The following TTC28 variants were observed in gnomAD, a reference collection of about 807,000 sequenced individuals.
The protein encoded by TTC28 is tetratricopeptide repeat protein 28.
Under a neutral mutation model 198.0 loss-of-function variants are expected in TTC28, and 61 were observed. The ratio of observed to expected loss-of-function variants is 0.31; its 90% confidence interval spans 0.25 to 0.38. TTC28 has a LOEUF of 0.38. TTC28 is among the 10% of genes least tolerant of loss of function. TTC28 has a pLI of 1.00. For synonymous variants in TTC28, 1,171 were observed against 1,297.8 expected (o/e 0.90, Z 2.10); for missense variants, 2,678 against 3,164.0 (o/e 0.85, Z 3.69).
In TTC28 at chr22:28,031,034, T is replaced by C. The variant is rs192602542; in HGVS notation, c.3933-668A>G. Among the ~76,000 whole-genome samples, 7 of 152,354 alleles carry C rather than the reference T, an allele frequency of 4.6e-5. No homozygotes were observed. The East Asian group carries it at 1.2e-3, about 25-fold the overall frequency. On this transcript the variant is annotated intron_variant, in intron 12 of 22. Coordinates refer to ENST00000397906, the MANE Select transcript of TTC28 (RefSeq NM_001145418.2). Reference sequence around the variant, plus strand: ...AATTAATAAATTCATATTTCCCCTATGACAGACTTTAACAGAACATCCCAC... The same window carrying C: ...AATTAATAAATTCATATTTCCCCTACGACAGACTTTAACAGAACATCCCAC...
At chr22:28,372,400 G>T (rs1480099620) in intron 2 of TTC28, among the ~76,000 whole-genome samples, 3 of 151,924 alleles carry the variant, frequency 2.0e-5, no homozygotes, top group Non-Finnish European at 4.4e-5. Context: ...AATTACTGCT[G>T]CTTTGAAACT....
chr22:27,982,364 G>T lies in TTC28; in HGVS notation c.7303C>A (p.Arg2435Ser), dbSNP rs529389400. The T allele has an allele frequency of 1.3e-6, 2 of 1,549,450 alleles. No individual in the cohort carries two copies. The highest frequency in any genetic ancestry group is 1.7e-6 in the Non-Finnish European group (2 of 1,146,090). Reference sequence around the variant, plus strand: ...GAGCCCAGCGAGGTGGTCTCGGTGCGCCAGTGTCCGTTGGGAGGGGCTTTC... The same window carrying T: ...GAGCCCAGCGAGGTGGTCTCGGTGCTCCAGTGTCCGTTGGGAGGGGCTTTC... ...PPKAPPNGHW[R>S]TETTSLGSLP... Residue 2435 changes from arginine to serine, a missense_variant, in exon 23 of 23, where the codon CGC becomes AGC. Physicochemically the swap from Arg to Ser is moderately radical, Grantham distance 110. Around this residue, in one of 8 missense-constraint regions of TTC28, gnomAD observed 622 missense variants for 656.0 expected, o/e 0.95. Coordinates refer to ENST00000397906, the MANE Select transcript of TTC28 (RefSeq NM_001145418.2). This position sits in a 1 kb window ranked among gnomAD's most constrained non-coding sequence, Gnocchi z 5.2.
chr22:28,591,195 A>G (rs1398777853), intron 2 of TTC28, among the ~76,000 whole-genome samples: 2 of 149,640 alleles, frequency 1.3e-5, no homozygotes, highest in Non-Finnish European at 3.0e-5. Context: ...TGCACCCTTA[A>G]CTTTCCAGGC....
chr22:28,414,233 T>C (rs955050573), intron 2 of TTC28, among the ~76,000 whole-genome samples: 4 of 152,190 alleles, frequency 2.6e-5, no homozygotes, highest in African/African-American at 9.7e-5. Flanking sequence ...GGAAATGACC[T>C]TTCAGAAACA....
chr22:28,307,593 A>G (rs1311139990), intron 2 of TTC28, among the ~76,000 whole-genome samples: 1 of 152,134 alleles, frequency 6.6e-6, no homozygotes, highest in Non-Finnish European at 1.5e-5. Flanking sequence ...TTTGTTTTCA[A>G]CTACACAGAG....
chr22:28,101,424 G>A, intron 8 of TTC28, 144 bp from the exon 9 acceptor site: 2 of 685,648 alleles, frequency 2.9e-6, no homozygotes, highest in Non-Finnish European at 4.8e-6. Context: ...GGAGTGCAGT[G>A]GCAGCTCACT....
At chr22:28,344,131 C>A (rs1194222752) in intron 2 of TTC28, among the ~76,000 whole-genome samples, 1 of 150,868 alleles carries the variant, frequency 6.6e-6, no homozygotes, top group African/African-American at 2.4e-5. Context: ...AATCACTAGT[C>A]TAGCAATCTA....
intron 5 of TTC28, among the ~76,000 whole-genome samples, chr22:28,178,654 A>G (rs201278579): frequency 2.0e-5 from 3 of 152,150 alleles, no homozygotes; most frequent in Non-Finnish European, 4.4e-5. Flanking sequence ...TAGTGGCTGG[A>G]GAGGAGTTTG....
At chr22:28,567,214 T>C in intron 2 of TTC28, among the ~76,000 whole-genome samples, 1 of 110,754 alleles carries the variant, frequency 9.0e-6, no homozygotes, top group Non-Finnish European at 1.8e-5. Flanking sequence ...AGACTCCATC[T>C]CGGAAAAAAA....
intron 2 of TTC28, among the ~76,000 whole-genome samples, chr22:28,335,217 T>C (rs1158053359): frequency 1.3e-5 from 2 of 152,198 alleles, no homozygotes; most frequent in Non-Finnish European, 2.9e-5. Context: ...GGTCTATATC[T>C]CTGTTTTGGT....
intron 21 of TTC28, 32 bp from the exon 22 acceptor site, chr22:27,985,388 C>T (rs142132330): frequency 0.019 from 28,870 of 1,509,344 alleles, 344 homozygotes; most frequent in Non-Finnish European, 0.023. Flanking sequence ...GCATCTGCTT[C>T]CTTCGGGAAG....
intron 12 of TTC28, among the ~76,000 whole-genome samples, chr22:28,035,341 C>T (rs1419354556): frequency 6.6e-6 from 1 of 152,106 alleles, no homozygotes; most frequent in Non-Finnish European, 1.5e-5. Context: ...GGCCCCGTGC[C>T]CAGTGGAAAC....
At chr22:27,987,138 C>T in intron 21 of TTC28, among the ~76,000 whole-genome samples, 1 of 152,292 alleles carries the variant, frequency 6.6e-6, no homozygotes, top group East Asian at 1.9e-4. Flanking sequence ...CTCTCCTCCC[C>T]GAGCTGTATG....
At chr22:28,388,026 G>T (rs2046642976) in intron 2 of TTC28, among the ~76,000 whole-genome samples, 2 of 152,148 alleles carry the variant, frequency 1.3e-5, no homozygotes, top group African/African-American at 4.8e-5. Flanking sequence ...TTTGTATAAG[G>T]TGTAAGGAAG....
At chr22:28,074,667 G>A (rs1941108241) in intron 12 of TTC28, among the ~76,000 whole-genome samples, 1 of 152,176 alleles carries the variant, frequency 6.6e-6, no homozygotes, top group African/African-American at 2.4e-5. Context: ...CTTGCCCAGT[G>A]ACAGGCTCAT....
chr22:28,105,581 C>T lies in TTC28; in HGVS notation c.3005G>A (p.Gly1002Asp). The part of the protein sequence containing the change: ...DRALESDAAC[G>D]LGGVYQQMGE... ...CATCTGCTGGTAAACGCCCCCCAGG[C>T]CACAGGCTGCGTCACTCTCCAGGGC... Residue 1002 changes from glycine to aspartate, a missense_variant, in exon 8 of 23, where the codon GGC becomes GAC. Coordinates refer to ENST00000397906, the MANE Select transcript of TTC28 (RefSeq NM_001145418.2). 2 of 1,551,800 alleles carry T rather than the reference C, an allele frequency of 1.3e-6. No homozygotes were observed. Among genetic ancestry groups the T allele is most frequent in the Non-Finnish European group, 8.7e-7 (1 of 1,147,028 alleles).
chr22:28,350,945 G>A (rs553096358), intron 2 of TTC28, among the ~76,000 whole-genome samples: 1 of 152,296 alleles, frequency 6.6e-6, no homozygotes, highest in South Asian at 2.1e-4. Flanking sequence ...CACTTTGGGA[G>A]GCTGAGGCAG....
At chr22:28,225,894 T>A (rs1054512840) in intron 5 of TTC28, among the ~76,000 whole-genome samples, 7 of 152,248 alleles carry the variant, frequency 4.6e-5, no homozygotes, top group African/African-American at 1.7e-4. Context: ...TTGTAGATAC[T>A]CTGTCTTTGT....
At chr22:28,221,195 C>CA (rs1927827679) in intron 5 of TTC28, among the ~76,000 whole-genome samples, 2 of 152,190 alleles carry the variant, frequency 1.3e-5, no homozygotes, top group South Asian at 4.1e-4. Context: ...GAGACAGACT[C>CA]AGTGTCTGGA....
Sources: allele counts gnomAD v4.1 joint callset (sites outside exome capture counted in the v4.1 genomes callset), GRCh38; gene constraint gnomAD v4.1.1; regional missense constraint gnomAD v4.1.1; non-coding constraint Gnocchi (gnomAD v3.1); transcripts MANE v1.5; gene names NCBI Gene and HGNC (gene_info 2026-07-23, HGNC 2026-07-21).